ZNF280D: variants seen among roughly 807,000 people sequenced by gnomAD.
The protein encoded by ZNF280D is suppressor of hairy wing homolog 4.
In ZNF280D, 39 loss-of-function variants were observed where a neutral mutation model predicts 94.7. The ratio of observed to expected loss-of-function variants is 0.41; its 90% confidence interval spans 0.32 to 0.54. The LOEUF (loss-of-function observed/expected upper bound fraction) is 0.54. Ranked by LOEUF, ZNF280D falls within the 20% of genes least tolerant of loss-of-function variation. The pLI, the probability that ZNF280D is intolerant of heterozygous loss-of-function variation, is 0.22. For missense variants in ZNF280D, 1,090 were observed against 1,149.3 expected (o/e 0.95, Z 0.75); for synonymous variants, 398 against 377.6 (o/e 1.05, Z -0.63).
chr15:56,691,341 T>C (rs551259257), intron 7 of ZNF280D, among the ~76,000 whole-genome samples: 12 of 152,300 alleles, frequency 7.9e-5, no homozygotes, highest in East Asian at 1.9e-4. Flanking sequence ...TGTAGGTACA[T>C]TGGAAAAATT....
chr15:56,722,291 G>A (rs2058408793), intron 1 of ZNF280D, among the ~76,000 whole-genome samples: 1 of 152,148 alleles, frequency 6.6e-6, no homozygotes, highest in African/African-American at 2.4e-5. Flanking sequence ...AAATGTGACA[G>A]AGACAAGAAG....
At chr15:56,646,976 G>A (rs1411725413) in intron 19 of ZNF280D, among the ~76,000 whole-genome samples, 1 of 152,094 alleles carries the variant, frequency 6.6e-6, no homozygotes. Context: ...GAGAATTGGT[G>A]GTCTCATATC....
At chr15:56,646,163 C>G (rs2052880036) in intron 19 of ZNF280D, among the ~76,000 whole-genome samples, 1 of 152,184 alleles carries the variant, frequency 6.6e-6, no homozygotes, top group Admixed American at 6.5e-5. Flanking sequence ...GTGCCACATG[C>G]CTGTAATCCC....
intron 16 of ZNF280D, among the ~76,000 whole-genome samples, chr15:56,660,028 T>C (rs1596383624): frequency 6.6e-6 from 1 of 152,134 alleles, no homozygotes; most frequent in South Asian, 2.1e-4. Context: ...AGATTTCTAA[T>C]AGTCATTTCT....
At chr15:56,664,261 A>G (rs554468085) in intron 16 of ZNF280D, among the ~76,000 whole-genome samples, 1 of 152,236 alleles carries the variant, frequency 6.6e-6, no homozygotes, top group Non-Finnish European at 1.5e-5. Flanking sequence ...ATCACAATAA[A>G]GCTGGTAGCA....
intron 16 of ZNF280D, 67 bp from the exon 17 acceptor site, chr15:56,658,553 T>A: frequency 9.0e-7 from 1 of 1,112,228 alleles, no homozygotes; most frequent in Non-Finnish European, 1.3e-6. Flanking sequence ...ATAACTATAT[T>A]TCAAGTCCAT....
At chr15:56,698,383 G>T (rs1407685428) in intron 6 of ZNF280D, 1 of 152,122 alleles carries the variant, frequency 6.6e-6, no homozygotes, top group South Asian at 2.1e-4. Flanking sequence ...GGTGGCAAAT[G>T]AGTTTTCCAA....
intron 6 of ZNF280D, chr15:56,700,437 T>C (rs1473913207): frequency 2.5e-6 from 2 of 805,338 alleles, no homozygotes; most frequent in East Asian, 1.1e-4. Flanking sequence ...AACAGCTCAA[T>C]GAATGTTAAC....
intron 19 of ZNF280D, among the ~76,000 whole-genome samples, chr15:56,645,889 T>A (rs189250738): frequency 6.6e-6 from 1 of 152,144 alleles, no homozygotes; most frequent in Non-Finnish European, 1.5e-5. Flanking sequence ...TATAGTAGTA[T>A]GTTCCTTTGA....
chr15:56,642,668 A>AT (rs2052685872), intron 20 of ZNF280D, among the ~76,000 whole-genome samples: 1 of 151,734 alleles, frequency 6.6e-6, no homozygotes, highest in Non-Finnish European at 1.5e-5. Context: ...TGATTTGGGG[A>AT]TTTTTAATTC....
chr15:56,654,164 A>C, intron 19 of ZNF280D, 34 bp downstream of exon 19: 2 of 1,592,970 alleles, frequency 1.3e-6, no homozygotes. Context: ...AAAATCCATC[A>C]AAGTAAAATG....
chr15:56,640,884 A>G (rs1195640743), intron 20 of ZNF280D, among the ~76,000 whole-genome samples: 2 of 152,194 alleles, frequency 1.3e-5, no homozygotes, highest in African/African-American at 4.8e-5. Context: ...ACTATTTCAT[A>G]TAGAATTTCT....
intron 1 of ZNF280D, among the ~76,000 whole-genome samples, chr15:56,725,910 A>ATTACTTTG (rs2058609417): frequency 6.6e-6 from 1 of 152,198 alleles, no homozygotes; most frequent in Non-Finnish European, 1.5e-5. Flanking sequence ...CATCCCAAAA[A>ATTACTTTG]TTACTTTGTC....
At chr15:56,680,100 T>A (rs1328975685) in intron 10 of ZNF280D, among the ~76,000 whole-genome samples, 2 of 152,166 alleles carry the variant, frequency 1.3e-5, no homozygotes, top group Non-Finnish European at 2.9e-5. Context: ...CAAAACCTCT[T>A]GCAAGGATGT....
intron 9 of ZNF280D, chr15:56,688,726 G>A (rs530351407): frequency 3.2e-4 from 51 of 160,286 alleles, no homozygotes; most frequent in African/African-American, 9.3e-4. Context: ...AAGTAAATAC[G>A]TAATAAAATG....
intron 1 of ZNF280D, among the ~76,000 whole-genome samples, chr15:56,718,186 G>A (rs2058147993): frequency 6.6e-6 from 1 of 151,850 alleles, no homozygotes; most frequent in South Asian, 2.1e-4. Flanking sequence ...TAAAATATCT[G>A]ATAATCAACC....
chr15:56,675,094 A>G (rs1279162302), intron 13 of ZNF280D, among the ~76,000 whole-genome samples: 1 of 151,924 alleles, frequency 6.6e-6, no homozygotes, highest in African/African-American at 2.4e-5. Flanking sequence ...CTGGCTATCT[A>G]CCTCCCAGGC....
chr15:56,648,199 T>C (rs2053009132), intron 19 of ZNF280D, among the ~76,000 whole-genome samples: 1 of 152,118 alleles, frequency 6.6e-6, no homozygotes, highest in Non-Finnish European at 1.5e-5. Context: ...TCTATATGTT[T>C]TCCACTCTAA....
intron 16 of ZNF280D, among the ~76,000 whole-genome samples, chr15:56,663,127 A>T (rs1157302513): frequency 6.6e-6 from 1 of 151,480 alleles, no homozygotes; most frequent in Non-Finnish European, 1.5e-5. Flanking sequence ...CCTACAAAAA[A>T]AAAAAATTAT....
Sources: allele counts gnomAD v4.1 joint callset (sites outside exome capture counted in the v4.1 genomes callset), GRCh38; gene constraint gnomAD v4.1.1; transcripts MANE v1.5; gene names NCBI Gene and HGNC (gene_info 2026-07-23, HGNC 2026-07-21).